Variants in PODNL1 observed in about 807,000 individuals in gnomAD.
PODNL1 encodes podocan like 1, also known as podocan-like protein 1.
PODNL1 carries 50 observed loss-of-function variants against 45.1 expected under a neutral mutation model. That is an observed-to-expected ratio of 1.11 (90% CI 0.88 to 1.40). The LOEUF is 1.40. Ranked by LOEUF, PODNL1 falls within the 40% of genes most tolerant of loss-of-function variation. PODNL1 has a pLI of 0.00. For missense variants in PODNL1, 788 were observed against 793.3 expected (o/e 0.99, Z 0.08); for synonymous variants, 406 against 372.5 (o/e 1.09, Z -1.04).
At chr19:13,939,624 C>T (rs1972583158), upstream of PODNL1, among the ~76,000 whole-genome samples, 1 of 152,092 alleles carries the variant, frequency 6.6e-6, no homozygotes, top group Admixed American at 6.6e-5. Flanking sequence ...CCATGGCTCA[C>T]ACCTGTAATC....
At position 13,933,599 on chromosome 19, in the gene PODNL1, G is replaced by A; in HGVS notation, c.768-144C>T. The A allele has an allele frequency of 1.0e-6, 1 of 996,138 alleles. No homozygotes were observed. The highest frequency in any genetic ancestry group is 1.4e-6 in the Non-Finnish European group (1 of 697,206). The allele number at this position is 996,138 out of a possible 1,614,324, so 61.7% of individuals were successfully genotyped here. The stretch of plus-strand genomic sequence containing the variant: ...GAGTGATGCGTGGAGAGAGCTGGGT[G>A]GGAGGTAAACTTGGGGTGCCCAGGG... On this transcript the variant is annotated intron_variant, in intron 7 of 9. Coordinates refer to ENST00000588872, the MANE Select transcript of PODNL1 (RefSeq NM_001370095.3). This position sits in a 1 kb window ranked among gnomAD's most constrained non-coding sequence, Gnocchi z 5.2.
chr19:13,938,118 C>T, intron 1 of PODNL1, 61 bp downstream of exon 1: 1 of 1,525,444 alleles, frequency 6.6e-7, no homozygotes, highest in East Asian at 2.3e-5. Flanking sequence ...GGCCAGTTGG[C>T]AGAGCAGGGG....
At position 13,933,354 on chromosome 19, in the gene PODNL1, T is replaced by A. The variant is rs1451245343; in HGVS notation, c.869A>T (p.Asn290Ile). 6.2e-7 allele frequency: 1 copy of A among 1,607,486 alleles called. No individual in the cohort carries two copies. Among genetic ancestry groups the A allele is most frequent in the Non-Finnish European group, 8.5e-7 (1 of 1,179,088 alleles). ...RTLAILHLGRNRIRQVEAARL... is the reference protein window; with the variant it reads ...RTLAILHLGRIRIRQVEAARL... Reference sequence around the variant, plus strand: ...AGCCGCCTCCACCTGCCGGATGCGGTTGCGGCCCAGGTGCAGGATAGCCAG... The same window carrying A: ...AGCCGCCTCCACCTGCCGGATGCGGATGCGGCCCAGGTGCAGGATAGCCAG... Residue 290 changes from asparagine to isoleucine, a missense_variant, in exon 8 of 10, where the codon AAC becomes ATC. This residue lies in a region of PODNL1 where 762 missense variants were observed against 750.9 expected (regional missense o/e 1.01). Transcript: ENST00000588872. The surrounding 1 kb of genome is among the most constrained non-coding windows in gnomAD (Gnocchi z 5.2).
rs999519329 is a variant in PODNL1 at position 13,931,641 on chromosome 19, G to A, written c.*96C>T. The A allele has an allele frequency of 1.7e-6, 2 of 1,192,280 alleles. No homozygotes were observed. Among genetic ancestry groups the A allele is most frequent in the African/African-American group, 3.1e-5 (2 of 63,626 alleles). The allele number at this position is 1,192,280 out of a possible 1,614,324, so 73.9% of individuals were successfully genotyped here. A position where few individuals can be genotyped will look rare whatever the true frequency, so the allele number is the denominator to read the frequency against. Reference sequence around the variant, plus strand: ...CAGGCCCAGCCCTGGAGGCCCAGGAGAGCCAGACCAAGGGCCCCTGGTGGG... The same window carrying A: ...CAGGCCCAGCCCTGGAGGCCCAGGAAAGCCAGACCAAGGGCCCCTGGTGGG... On this transcript the variant is annotated 3_prime_UTR_variant, in exon 10 of 10. Coordinates refer to ENST00000588872, the MANE Select transcript of PODNL1 (RefSeq NM_001370095.3).
chr19:13,945,780 T>C (rs1011749106), intron 1 of PODNL1, among the ~76,000 whole-genome samples: 6 of 151,054 alleles, frequency 4.0e-5, no homozygotes, highest in African/African-American at 1.5e-4. Flanking sequence ...CCACTGCACC[T>C]GGTGTTGTAG....
At chr19:13,934,497 CAGTG>C (rs928612296) in intron 5 of PODNL1, 87 bp from the exon 6 acceptor site, 1 of 1,210,858 alleles carries the variant, frequency 8.3e-7, no homozygotes, top group Non-Finnish European at 1.1e-6. Context: ...GGGTCGCCTT[CAGTG>C]TGTGTGTGTG....
chr19:13,951,495 G>A (rs1973028892), intron 1 of PODNL1, among the ~76,000 whole-genome samples: 1 of 152,004 alleles, frequency 6.6e-6, no homozygotes, highest in Non-Finnish European at 1.5e-5. Context: ...AAATTAGGCC[G>A]GGCGCGGTGG....
At chr19:13,937,451 C>T (rs1450589889) in intron 2 of PODNL1, among the ~76,000 whole-genome samples, 2 of 149,046 alleles carry the variant, frequency 1.3e-5, no homozygotes, top group Admixed American at 1.4e-4. Context: ...TGCCATCACC[C>T]CCACCATCAA....
rs1393515064 is a variant in PODNL1, at chr19:13,933,723, C to T, written c.767+155G>A. 1.3e-5 allele frequency among the ~76,000 whole-genome samples: 2 copies of T among 152,122 alleles called. No homozygotes were observed. Among genetic ancestry groups the T allele is most frequent in the Non-Finnish European group, 2.9e-5 (2 of 68,020 alleles). The stretch of plus-strand genomic sequence containing the variant: ...GATGTCAGTGCAGGGCTGTGGGGAA[C>T]AGGGACACCTACCCAGTGCTCTGCC... On this transcript the variant is annotated intron_variant, in intron 7 of 9. Coordinates refer to ENST00000588872, the MANE Select transcript of PODNL1 (RefSeq NM_001370095.3). The surrounding 1 kb of genome is among the most constrained non-coding windows in gnomAD (Gnocchi z 5.2).
chr19:13,953,153 C>T lies in PODNL1; in HGVS notation c.-17G>A, dbSNP rs1231960772. The stretch of plus-strand genomic sequence containing the variant: ...CCTCCCCATTGAAAGTGTGGGAGCT[C>T]CCTGGATAGGGCTGAGTCTTCCCCC... On this transcript the variant is annotated 5_prime_UTR_variant, in exon 1 of 8. Coordinates refer to the PODNL1 transcript ENST00000538371. The T allele has an allele frequency of 3.2e-6, 5 of 1,545,434 alleles. No homozygotes were observed. The African/African-American group carries it at 5.5e-5, about 17-fold the overall frequency.
chr19:13,936,346 C>T (rs777846117), intron 3 of PODNL1, 21 bp downstream of exon 3: 10 of 1,594,506 alleles, frequency 6.3e-6, no homozygotes, highest in African/African-American at 4.0e-5. Flanking sequence ...CCAGAGAGGC[C>T]GCCTCCCTCT....
chr19:13,941,816 G>GA (rs1298609835), upstream of PODNL1, among the ~76,000 whole-genome samples: 1 of 151,758 alleles, frequency 6.6e-6, no homozygotes, highest in African/African-American at 2.4e-5. Context: ...CCATCTCAAA[G>GA]AAAAAAAAGT....
Position 13,938,322 on chromosome 19 carries a change from G to T in PODNL1, c.-141C>A. ...CCCATGCCACCCCCCACAACAGCCT[G>T]TTCTCCCGGGGCTTTGGGGGAGCTG... On this transcript the variant is annotated 5_prime_UTR_variant, in exon 1 of 10. Coordinates refer to ENST00000588872, the MANE Select transcript of PODNL1 (RefSeq NM_001370095.3). 1 of 1,439,388 alleles carries T rather than the reference G, an allele frequency of 6.9e-7. No individual in the cohort carries two copies. Among genetic ancestry groups the T allele is most frequent in the Non-Finnish European group, 9.2e-7 (1 of 1,092,872 alleles). The allele number at this position is 1,439,388 out of a possible 1,614,324, so 89.2% of individuals were successfully genotyped here. A position where few individuals can be genotyped will look rare whatever the true frequency, so the allele number is the denominator to read the frequency against.
At chr19:13,932,563 C>A in intron 8 of PODNL1, 1 of 1,121,850 alleles carries the variant, frequency 8.9e-7, no homozygotes, top group South Asian at 1.5e-5. Flanking sequence ...TGCTGTGTTG[C>A]CAGGCTGGTC....
At chr19:13,938,088 G>T in intron 1 of PODNL1, 82 bp from the exon 2 acceptor site, 1 of 1,476,272 alleles carries the variant, frequency 6.8e-7, no homozygotes, top group Non-Finnish European at 9.1e-7. Context: ...CCTCGGGGAG[G>T]GTCTTGGTGG....
chr19:13,951,831 A>G (rs1973047901), intron 1 of PODNL1, among the ~76,000 whole-genome samples: 1 of 152,166 alleles, frequency 6.6e-6, no homozygotes, highest in African/African-American at 2.4e-5. Context: ...GACCTTCAAC[A>G]ATTATTTTTA....
Position 13,949,763 on chromosome 19 carries a change from A to G in PODNL1, c.18+3356T>C, listed in dbSNP as rs533753509. ...CGCCCAGGCTGGAGCGCAGTGGCTC[A>G]ATCTCCGCTCACTGTAGCCTCCAGG... is the stretch of plus-strand genomic sequence containing the variant. On this transcript the variant is annotated intron_variant, in intron 1 of 7. Coordinates refer to the PODNL1 transcript ENST00000538371. The G allele has an allele frequency of 2.0e-5, 3 of 151,740 alleles. No individual in the cohort carries two copies. The South Asian group carries it at 6.3e-4, about 32-fold the overall frequency. 9.4% of individuals were successfully genotyped at this position (151,740 alleles called of 1,614,324 possible).
rs2145429024 is a variant in PODNL1, at chr19:13,936,055, A to G, written c.320-11T>C. ...CCTCGTCAGGCAGGCCTGGGAGAGT[A>G]GGGGGGCAGTGAAGGGACCCCAGGC... On this transcript the variant is annotated splice_polypyrimidine_tract_variant and intron_variant, in intron 3 of 9. Coordinates refer to ENST00000588872, the MANE Select transcript of PODNL1 (RefSeq NM_001370095.3). 1 of 1,548,694 alleles carries G rather than the reference A, an allele frequency of 6.5e-7. No homozygotes were observed. Among genetic ancestry groups the G allele is most frequent in the East Asian group, 2.4e-5 (1 of 40,952 alleles).
At chr19:13,952,582 G>A (rs1369958268) in intron 1 of PODNL1, 4 of 1,265,256 alleles carry the variant, frequency 3.2e-6, no homozygotes, top group Non-Finnish European at 4.0e-6. Flanking sequence ...CGGGGGAGCC[G>A]GAGGGAAGCG....
Sources: allele counts gnomAD v4.1 joint callset (sites outside exome capture counted in the v4.1 genomes callset), GRCh38; gene constraint gnomAD v4.1.1; regional missense constraint gnomAD v4.1.1; non-coding constraint Gnocchi (gnomAD v3.1); transcripts MANE v1.5; gene names NCBI Gene and HGNC (gene_info 2026-07-23, HGNC 2026-07-21).